RGS7: variants seen among roughly 807,000 people sequenced by gnomAD.
The protein encoded by RGS7 is regulator of G protein signaling 7.
In RGS7, 27 loss-of-function variants were observed where a neutral mutation model predicts 81.1. That is an observed-to-expected ratio of 0.33 (90% confidence interval 0.25 to 0.46). The LOEUF is 0.46. RGS7 is among the 20% of genes least tolerant of loss of function. The pLI is 1.00. For synonymous variants in RGS7, 208 were observed against 207.7 expected (o/e 1.00, Z -0.01); for missense variants, 396 against 607.4 (o/e 0.65, Z 3.66).
intron 4 of RGS7, among the ~76,000 whole-genome samples, chr1:240,947,401 A>T (rs910556228): frequency 6.6e-6 from 1 of 152,160 alleles, no homozygotes; most frequent in African/African-American, 2.4e-5. Flanking sequence ...CATCATGTCA[A>T]AATTGAATTG....
chr1:241,025,011 G>C (rs1250883735), intron 3 of RGS7, among the ~76,000 whole-genome samples: 2 of 152,178 alleles, frequency 1.3e-5, no homozygotes, highest in African/African-American at 4.8e-5. Context: ...TTGAGTCCCT[G>C]GGAATTTGCC....
intron 4 of RGS7, among the ~76,000 whole-genome samples, chr1:240,973,860 G>A (rs938347836): frequency 2.6e-5 from 4 of 152,230 alleles, no homozygotes; most frequent in South Asian, 2.1e-4. Context: ...GATTACAGGC[G>A]TGAGCCACTG....
chr1:240,830,578 C>T (rs747038112), intron 9 of RGS7, among the ~76,000 whole-genome samples: 5 of 152,118 alleles, frequency 3.3e-5, no homozygotes, highest in South Asian at 2.1e-4. Context: ...CACAAATGAC[C>T]GAGTCATCTA....
At chr1:241,130,087 T>C (rs2066966974) in intron 2 of RGS7, among the ~76,000 whole-genome samples, 1 of 152,302 alleles carries the variant, frequency 6.6e-6, no homozygotes, top group South Asian at 2.1e-4. Flanking sequence ...GCTAAGCAAG[T>C]GCATCCTTCA....
intron 2 of RGS7, among the ~76,000 whole-genome samples, chr1:241,297,879 C>T (rs1429320556): frequency 6.6e-6 from 1 of 152,158 alleles, no homozygotes; most frequent in Non-Finnish European, 1.5e-5. Context: ...GCAGCATGTC[C>T]ACACACTGGC....
intron 2 of RGS7, among the ~76,000 whole-genome samples, chr1:241,187,035 G>A (rs1171595759): frequency 6.6e-6 from 1 of 152,054 alleles, no homozygotes; most frequent in Non-Finnish European, 1.5e-5. Flanking sequence ...AATGCCAAAC[G>A]AGAATAGATT....
At chr1:241,338,738 C>A (rs1202736106) in intron 2 of RGS7, among the ~76,000 whole-genome samples, 1 of 149,280 alleles carries the variant, frequency 6.7e-6, no homozygotes, top group Non-Finnish European at 1.5e-5. Flanking sequence ...ATGTTTATAT[C>A]TTATATATTA....
At chr1:241,113,143 A>T (rs1256411213) in intron 2 of RGS7, among the ~76,000 whole-genome samples, 1 of 152,194 alleles carries the variant, frequency 6.6e-6, no homozygotes, top group Non-Finnish European at 1.5e-5. Context: ...GCTCTTTTAT[A>T]TCCACCACAA....
intron 2 of RGS7, among the ~76,000 whole-genome samples, chr1:241,234,485 C>CTT (rs59539573): frequency 1.4e-4 from 21 of 147,460 alleles, no homozygotes; most frequent in Admixed American, 1.4e-4. Flanking sequence ...TTCTTTTTTT[C>CTT]TTTTTTTTTT....
chr1:241,322,714 T>A (rs2148613875), intron 2 of RGS7, among the ~76,000 whole-genome samples: 1 of 152,334 alleles, frequency 6.6e-6, no homozygotes, highest in Middle Eastern at 3.4e-3. Context: ...CATAGAATGA[T>A]AAGTACCAAC....
In RGS7 at chr1:240,777,550, T is replaced by C. The variant is rs1416076026; in HGVS notation, c.*7-1337A>G. On this transcript the variant is annotated intron_variant, in intron 18 of 18. Transcript: ENST00000440928. Reference sequence around the variant, plus strand: ...GCGGTGATGGGAGATACATCATCACTCATGGCCATTGCCTTAGTCTGTTTG... The same window carrying C: ...GCGGTGATGGGAGATACATCATCACCCATGGCCATTGCCTTAGTCTGTTTG... 2.0e-5 allele frequency among the ~76,000 whole-genome samples: 3 copies of C among 152,194 alleles called. No homozygotes were observed. The East Asian group carries it at 5.8e-4, about 29-fold the overall frequency.
rs148084164 is a variant in RGS7, at chr1:241,300,977, T to C, written c.78+54722A>G. Among the ~76,000 whole-genome samples the C allele has an allele frequency of 4.2e-3, 638 of 152,344 alleles. 3 individuals are homozygous for C. The highest frequency in any genetic ancestry group is 7.7e-3 in the Non-Finnish European group (524 of 68,030). Reference sequence around the variant, plus strand: ...TCTAATAGGTGTTAATGGTATTTCATTGTTAGTTTAATTTGTAATTCCCTA... The same window carrying C: ...TCTAATAGGTGTTAATGGTATTTCACTGTTAGTTTAATTTGTAATTCCCTA... On this transcript the variant is annotated intron_variant, in intron 2 of 18. Coordinates refer to ENST00000440928, the MANE Select transcript of RGS7 (RefSeq NM_001364886.1).
At chr1:241,151,565 CTTTTTTTTTTTT>C (rs58097674) in intron 2 of RGS7, among the ~76,000 whole-genome samples, 1 of 116,478 alleles carries the variant, frequency 8.6e-6, no homozygotes, top group Non-Finnish European at 1.8e-5. Flanking sequence ...ATTAGGAACT[CTTTTTTTTTTTT>C]TTTTTTTTTT....
rs1455208114 is a variant in RGS7, at chr1:240,806,129, C to T, written c.1269+11G>A. ...AGCACGTTTGTGGTGTGAGGCTCAC[C>T]GTACACCCACCTGAGCATCTTCAAA... On this transcript the variant is annotated intron_variant, in intron 15 of 18. Transcript: ENST00000440928. 1.9e-6 allele frequency: 3 copies of T among 1,611,748 alleles called. No individual in the cohort carries two copies. The African/African-American group carries it at 4.0e-5, about 22-fold the overall frequency.
At chr1:241,093,712 G>A (rs2064048094) in intron 3 of RGS7, among the ~76,000 whole-genome samples, 1 of 152,100 alleles carries the variant, frequency 6.6e-6, no homozygotes. Context: ...GAATATCTGT[G>A]GTTTGCATTT....
At chr1:240,941,051 C>A (rs1345655291) in intron 4 of RGS7, among the ~76,000 whole-genome samples, 1 of 152,124 alleles carries the variant, frequency 6.6e-6, no homozygotes, top group East Asian at 1.9e-4. Flanking sequence ...TACTTCTCTT[C>A]TGAGTGATAC....
rs558989367 is a variant in RGS7, at chr1:241,198,147, A to G, written c.79-99385T>C. Among the ~76,000 whole-genome samples, 4 of 152,144 alleles carry G rather than the reference A, an allele frequency of 2.6e-5. No homozygotes were observed. The East Asian group carries it at 7.7e-4, about 29-fold the overall frequency. ...AAGAAATTACAAGAGAAATTTAAAA[A>G]TAGTTTGAAATAATAATGATAATGT... On this transcript the variant is annotated intron_variant, in intron 2 of 18. Transcript: ENST00000440928.
chr1:241,190,375 G>C (rs1169227730), intron 2 of RGS7, among the ~76,000 whole-genome samples: 3 of 151,750 alleles, frequency 2.0e-5, no homozygotes, highest in Non-Finnish European at 4.4e-5. Context: ...CTCATATTTT[G>C]ATAAGAATTA....
intron 6 of RGS7, among the ~76,000 whole-genome samples, chr1:240,914,417 C>G (rs1672260056): frequency 6.6e-6 from 1 of 152,044 alleles, no homozygotes; most frequent in African/African-American, 2.4e-5. Flanking sequence ...AAAGGGAAAC[C>G]AAGGTGGAAA....
Sources: allele counts gnomAD v4.1 joint callset (sites outside exome capture counted in the v4.1 genomes callset), GRCh38; gene constraint gnomAD v4.1.1; transcripts MANE v1.5; gene names NCBI Gene and HGNC (gene_info 2026-07-23, HGNC 2026-07-21).